ZNF519: variants seen among roughly 807,000 people sequenced by gnomAD.
The protein encoded by ZNF519 is similar to Zinc finger protein 85 (Zinc finger protein HPF4) (HTF1).
ZNF519 carries 7 observed loss-of-function variants against 7.4 expected under a neutral mutation model. That is an observed-to-expected ratio of 0.94 (90% CI 0.54 to 1.77). The LOEUF (loss-of-function observed/expected upper bound fraction) is 1.77. Ranked by LOEUF, ZNF519 falls within the 40% of genes most tolerant of loss-of-function variation. The pLI is 0.00. For synonymous variants in ZNF519, 179 were observed against 203.3 expected (o/e 0.88, Z 1.02); for missense variants, 586 against 623.1 (o/e 0.94, Z 0.63).
chr18:14,086,693 T>TA (rs2046091853), intron 2 of ZNF519, among the ~76,000 whole-genome samples: 1 of 152,100 alleles, frequency 6.6e-6, no homozygotes, highest in Non-Finnish European at 1.5e-5. Flanking sequence ...TGGGATGAAA[T>TA]ACACTCTGTA....
At chr18:14,075,366 T>G (rs1044594116), downstream of ZNF519, 5 of 152,210 alleles carry the variant, frequency 3.3e-5, no homozygotes, top group Admixed American at 2.6e-4. Flanking sequence ...CCCATTCTAT[T>G]TGGGAGCTTG....
At chr18:14,114,083 T>G (rs2046235068) in intron 2 of ZNF519, among the ~76,000 whole-genome samples, 1 of 152,162 alleles carries the variant, frequency 6.6e-6, no homozygotes. Flanking sequence ...TTCCATTTGG[T>G]ATGTTGTCTC....
At position 14,132,411 on chromosome 18, in the gene ZNF519, C is replaced by A. The variant is rs1031551145; in HGVS notation, c.-134G>T. The A allele has an allele frequency of 8.0e-6, 9 of 1,120,184 alleles. No individual in the cohort carries two copies. The Admixed American group carries it at 1.6e-4, about 20-fold the overall frequency. 69.4% of individuals were successfully genotyped at this position (1,120,184 alleles called of 1,614,324 possible). ...GGACACAAGGCAATGAAGCCCTAAC[C>A]CCGCGCTCTGGCTGAAGTGAGACAA... On this transcript the variant is annotated 5_prime_UTR_variant, in exon 1 of 3. Transcript: ENST00000590202.
intron 2 of ZNF519, among the ~76,000 whole-genome samples, chr18:14,086,406 G>T (rs997006619): frequency 6.6e-6 from 1 of 152,210 alleles, no homozygotes; most frequent in African/African-American, 2.4e-5. Flanking sequence ...CCTGCGCTGC[G>T]CTGGCCTCAG....
At chr18:14,108,488 C>T (rs1175049807) in intron 2 of ZNF519, among the ~76,000 whole-genome samples, 1 of 152,118 alleles carries the variant, frequency 6.6e-6, no homozygotes, top group African/African-American at 2.4e-5. Context: ...CAGGTCCCCT[C>T]TTGCTGTTGA....
At chr18:14,129,737 A>T (rs1384363599) in intron 1 of ZNF519, among the ~76,000 whole-genome samples, 1 of 152,158 alleles carries the variant, frequency 6.6e-6, no homozygotes, top group African/African-American at 2.4e-5. Flanking sequence ...GTCCCATAAC[A>T]CTGTCCTCAC....
At chr18:14,111,260 T>C (rs2046219475) in intron 2 of ZNF519, among the ~76,000 whole-genome samples, 1 of 149,112 alleles carries the variant, frequency 6.7e-6, no homozygotes, top group Admixed American at 6.6e-5. Flanking sequence ...ATCCCGGCAC[T>C]TTAGGAGGCT....
Position 14,124,446 on chromosome 18 carries a change from C to T in ZNF519, c.34G>A (p.Glu12Lys), listed in dbSNP as rs1046145388. 2.5e-6 allele frequency: 4 copies of T among 1,612,430 alleles called. No homozygotes were observed. The highest frequency in any genetic ancestry group is 3.4e-6 in the Non-Finnish European group (4 of 1,179,616). Residue 12 changes from glutamate (E) to lysine (K), a missense_variant, in exon 2 of 3, where the codon GAA becomes AAA. Glu to Lys is a moderately conservative substitution (Grantham distance 56). Coordinates refer to ENST00000590202, the MANE Select transcript of ZNF519 (RefSeq NM_145287.4). Reference protein sequence around the residue: ...ELLTFRDVAIEFSPEEWKCLD... With the variant: ...ELLTFRDVAIKFSPEEWKCLD... ...CATTTCCACTCTTCTGGAGAGAATT[C>T]TATGGCCACATCCCTGAATGTTAAG...
At chr18:14,119,812 AAG>A (rs2046262177) in intron 2 of ZNF519, among the ~76,000 whole-genome samples, 1 of 152,228 alleles carries the variant, frequency 6.6e-6, no homozygotes, top group African/African-American at 2.4e-5. Flanking sequence ...TCCACAAAAA[AAG>A]AAACAATTTT....
chr18:14,130,943 C>T (rs1158057168), intron 1 of ZNF519, among the ~76,000 whole-genome samples: 2 of 152,020 alleles, frequency 1.3e-5, no homozygotes, highest in African/African-American at 4.8e-5. Context: ...TTCAGCTGCT[C>T]CTTTGAGAAG....
At chr18:14,108,012 A>C (rs1433050471) in intron 2 of ZNF519, among the ~76,000 whole-genome samples, 1 of 152,140 alleles carries the variant, frequency 6.6e-6, no homozygotes, top group Non-Finnish European at 1.5e-5. Context: ...CACTACTCTG[A>C]AGGAAAGGAT....
At position 14,088,794 on chromosome 18, in the gene ZNF519, C is replaced by T. The variant is rs552042930; in HGVS notation, c.131-3718G>A. ...AATGTGATTGCAGCCTTGTCACTGTCTCCTTATTTGAAATTTCTTAACTGC... is the reference window on the plus strand; with the variant it reads ...AATGTGATTGCAGCCTTGTCACTGTTTCCTTATTTGAAATTTCTTAACTGC... On this transcript the variant is annotated intron_variant and NMD_transcript_variant, in intron 2 of 4. Coordinates refer to the ZNF519 transcript ENST00000587419. 2.6e-5 allele frequency among the ~76,000 whole-genome samples: 4 copies of T among 152,228 alleles called. No homozygotes were observed. In the South Asian group the frequency reaches 6.2e-4, roughly 24 times the overall value.
chr18:14,123,769 A>G (rs558511862), intron 2 of ZNF519, among the ~76,000 whole-genome samples: 1 of 152,298 alleles, frequency 6.6e-6, no homozygotes, highest in Non-Finnish European at 1.5e-5. Flanking sequence ...AAGGTGTGGG[A>G]AACAATATTT....
At chr18:14,089,594 A>G (rs954381971) in intron 2 of ZNF519, among the ~76,000 whole-genome samples, 1 of 152,154 alleles carries the variant, frequency 6.6e-6, no homozygotes, top group African/African-American at 2.4e-5. Flanking sequence ...CAGGGGCTGC[A>G]TATGGTGGGG....
chr18:14,123,835 C>T (rs2046282316), intron 2 of ZNF519, among the ~76,000 whole-genome samples: 1 of 151,970 alleles, frequency 6.6e-6, no homozygotes, highest in Non-Finnish European at 1.5e-5. Flanking sequence ...AACAAATTAG[C>T]TCAAAAAAAG....
Position 14,124,336 on chromosome 18 carries a change from G to C in ZNF519, c.130+14C>G, listed in dbSNP as rs770596913. On this transcript the variant is annotated intron_variant, in intron 2 of 2. Coordinates refer to ENST00000590202, the MANE Select transcript of ZNF519 (RefSeq NM_145287.4). ...GAGGGAGAATTAGGAATTATGTATT[G>C]AAGTTATTCTCACCCAGGGAGACGA... 2.3e-5 allele frequency: 37 copies of C among 1,591,418 alleles called. No homozygotes were observed. Among genetic ancestry groups the C allele is most frequent in the Admixed American group, 3.8e-5 (2 of 52,702 alleles).
chr18:14,107,107 G>A (rs12604150), intron 2 of ZNF519, among the ~76,000 whole-genome samples: 29,737 of 151,964 alleles, frequency 0.2, 3,581 homozygotes, highest in South Asian at 0.29. Flanking sequence ...ATTACCTACT[G>A]AGATACAAAC....
chr18:14,093,901 G>GA (rs1321549523), intron 2 of ZNF519, among the ~76,000 whole-genome samples: 6 of 152,200 alleles, frequency 3.9e-5, no homozygotes, highest in African/African-American at 1.4e-4. Context: ...CACTATGTAT[G>GA]AAAAAACCAT....
rs2143115716 is a variant in ZNF519, at chr18:14,101,247, C to G, written c.*3670G>C. On this transcript the variant is annotated 3_prime_UTR_variant, in exon 3 of 3. Transcript: ENST00000590202. ...AGGTGGCAGCTCTGGAAGGTGGGCA[C>G]CACGGGCTCCTCCTGCTGCCCCACC... 1 of 153,456 alleles carries G rather than the reference C, an allele frequency of 6.5e-6. No homozygotes were observed. Among genetic ancestry groups the G allele is most frequent in the South Asian group, 2.1e-4 (1 of 4,822 alleles). 9.5% of individuals were successfully genotyped at this position (153,456 alleles called of 1,614,324 possible). A position where few individuals can be genotyped will look rare whatever the true frequency, so the allele number is the denominator to read the frequency against.
Sources: allele counts gnomAD v4.1 joint callset (sites outside exome capture counted in the v4.1 genomes callset), GRCh38; gene constraint gnomAD v4.1.1; transcripts MANE v1.5; gene names NCBI Gene and HGNC (gene_info 2026-07-23, HGNC 2026-07-21).